Variants in CAMK1D observed in about 807,000 individuals in gnomAD.
The protein encoded by CAMK1D is calcium/calmodulin dependent protein kinase ID.
Under a neutral mutation model 47.7 loss-of-function variants are expected in CAMK1D, and 9 were observed. That is an observed-to-expected ratio of 0.19 (90% CI 0.11 to 0.33). The LOEUF (loss-of-function observed/expected upper bound fraction) is 0.33. CAMK1D is among the 10% of genes least tolerant of loss of function. The probability of loss-of-function intolerance (pLI) is 1.00; values close to 1 mark genes in which losing one functional copy is unlikely to be tolerated. For missense variants in CAMK1D, 291 were observed against 488.7 expected, an observed-to-expected ratio of 0.60 and a Z score of 3.81; for synonymous variants, 184 against 184.9, an observed-to-expected ratio of 0.99 and a Z score of 0.04.
At chr10:12,536,319 C>G (rs1401589927) in intron 1 of CAMK1D, among the ~76,000 whole-genome samples, 1 of 152,056 alleles carries the variant, frequency 6.6e-6, no homozygotes, top group South Asian at 2.1e-4. Context: ...CACTCTGTCT[C>G]CAAGGCTGGA....
At chr10:12,588,411 T>G (rs954118583) in intron 2 of CAMK1D, among the ~76,000 whole-genome samples, 1 of 152,126 alleles carries the variant, frequency 6.6e-6, no homozygotes, top group Non-Finnish European at 1.5e-5. Context: ...CCATGAGAGT[T>G]TGCTGGAAAA....
At chr10:12,813,537 G>A (rs903374989) in intron 6 of CAMK1D, among the ~76,000 whole-genome samples, 2 of 152,178 alleles carry the variant, frequency 1.3e-5, no homozygotes, top group Non-Finnish European at 2.9e-5. Context: ...AAGGCTGTCT[G>A]TTAGGTTTTT....
chr10:12,586,173 A>G (rs918145716), intron 2 of CAMK1D, among the ~76,000 whole-genome samples: 5 of 152,210 alleles, frequency 3.3e-5, no homozygotes, highest in Non-Finnish European at 7.3e-5. Flanking sequence ...AAGTCTTCCA[A>G]ACATTTTTGG....
At chr10:12,436,613 C>T (rs1564339259) in intron 1 of CAMK1D, among the ~76,000 whole-genome samples, 2 of 152,198 alleles carry the variant, frequency 1.3e-5, no homozygotes, top group South Asian at 2.1e-4. Flanking sequence ...ATTCTAATCT[C>T]ATAAGCTCGG....
rs1226466346 is a variant in CAMK1D, at chr10:12,834,138, G to A, written c.*5251G>A. The A allele has an allele frequency of 6.6e-6, 1 of 152,252 alleles. No individual in the cohort carries two copies. The highest frequency in any genetic ancestry group is 6.5e-5 in the Admixed American group (1 of 15,286). 9.4% of individuals were successfully genotyped at this position (152,252 alleles called of 1,614,324 possible). A position where few individuals can be genotyped will look rare whatever the true frequency, so the allele number is the denominator to read the frequency against. On this transcript the variant is annotated 3_prime_UTR_variant, in exon 11 of 11. Transcript: ENST00000619168. ...AAGACTCCAAGAAAATGAGTGTGCA[G>A]ATGAGTTAGCTTGACAACCTCAACT... is the stretch of plus-strand genomic sequence containing the variant.
chr10:12,750,668 AGAAT>A (rs62896660), intron 3 of CAMK1D, among the ~76,000 whole-genome samples: 1,646 of 151,448 alleles, frequency 0.011, 21 homozygotes, highest in African/African-American at 0.033. Context: ...GGGAAAGTCA[AGAAT>A]GAATGAATGA....
intron 1 of CAMK1D, among the ~76,000 whole-genome samples, chr10:12,542,188 T>C (rs775790446): frequency 1.8e-4 from 27 of 152,256 alleles, no homozygotes; most frequent in Middle Eastern, 3.4e-3. Context: ...CTTTTCAGTG[T>C]TTTAAAACCA....
chr10:12,621,277 A>G (rs1838989387), intron 2 of CAMK1D, among the ~76,000 whole-genome samples: 1 of 152,174 alleles, frequency 6.6e-6, no homozygotes, highest in South Asian at 2.1e-4. Context: ...TTTGCCTTTC[A>G]TATACATTTT....
At chr10:12,668,522 G>A (rs988892973) in intron 3 of CAMK1D, among the ~76,000 whole-genome samples, 5 of 152,126 alleles carry the variant, frequency 3.3e-5, no homozygotes, top group African/African-American at 1.2e-4. Flanking sequence ...TATCAGTTTC[G>A]ATAATGGGAA....
intron 1 of CAMK1D, among the ~76,000 whole-genome samples, chr10:12,378,351 A>T (rs1049456100): frequency 2.0e-5 from 3 of 151,654 alleles, no homozygotes; most frequent in African/African-American, 7.3e-5. Context: ...TGCTCAGGTG[A>T]TCTCCCTCCT....
At chr10:12,682,929 CT>C (rs530240014) in intron 3 of CAMK1D, among the ~76,000 whole-genome samples, 2,503 of 144,504 alleles carry the variant, frequency 0.017, 64 homozygotes, top group African/African-American at 0.059. Flanking sequence ...AAGTAAGATT[CT>C]TTTTTTTTTT....
intron 3 of CAMK1D, among the ~76,000 whole-genome samples, chr10:12,759,087 G>T (rs996061436): frequency 6.6e-6 from 1 of 152,186 alleles, no homozygotes; most frequent in African/African-American, 2.4e-5. Context: ...AGTGGCTCAC[G>T]CCTGTAATCC....
chr10:12,803,388 T>G (rs978612494), intron 6 of CAMK1D, among the ~76,000 whole-genome samples: 4 of 152,210 alleles, frequency 2.6e-5, no homozygotes, highest in Non-Finnish European at 5.9e-5. Context: ...TGTCAGTATC[T>G]GTAGAATTGG....
At chr10:12,803,323 T>C (rs1838566032) in intron 6 of CAMK1D, among the ~76,000 whole-genome samples, 1 of 152,198 alleles carries the variant, frequency 6.6e-6, no homozygotes, top group African/African-American at 2.4e-5. Flanking sequence ...GGGCAAGACC[T>C]GGGTCTGTCT....
At chr10:12,595,343 A>G (rs988417604) in intron 2 of CAMK1D, among the ~76,000 whole-genome samples, 4 of 51,562 alleles carry the variant, frequency 7.8e-5, no homozygotes, top group African/African-American at 7.9e-5. Flanking sequence ...ACTCCATCTG[A>G]AAAAAAAAAA....
chr10:12,699,806 G>A (rs1180967538), intron 3 of CAMK1D, among the ~76,000 whole-genome samples: 1 of 151,998 alleles, frequency 6.6e-6, no homozygotes, highest in East Asian at 1.9e-4. Flanking sequence ...TTTTCATAAG[G>A]CATCAATGAT....
chr10:12,620,380 C>T (rs968137000), intron 2 of CAMK1D, among the ~76,000 whole-genome samples: 1 of 152,150 alleles, frequency 6.6e-6, no homozygotes, highest in African/African-American at 2.4e-5. Flanking sequence ...CTTTACATTC[C>T]CACCAGTAAT....
At chr10:12,681,510 G>A (rs1298883476) in intron 3 of CAMK1D, among the ~76,000 whole-genome samples, 1 of 152,268 alleles carries the variant, frequency 6.6e-6, no homozygotes, top group East Asian at 1.9e-4. Context: ...TGTCGGATGA[G>A]TGGCAGCTGC....
chr10:12,532,014 A>AT (rs1447665903), intron 1 of CAMK1D, among the ~76,000 whole-genome samples: 1 of 152,270 alleles, frequency 6.6e-6, no homozygotes, highest in Non-Finnish European at 1.5e-5. Flanking sequence ...ATAAAGGCTT[A>AT]TTAGAAATAC....
Sources: allele counts gnomAD v4.1 joint callset (sites outside exome capture counted in the v4.1 genomes callset), GRCh38; gene constraint gnomAD v4.1.1; transcripts MANE v1.5; gene names NCBI Gene and HGNC (gene_info 2026-07-23, HGNC 2026-07-21).